HHAT: variants seen among roughly 807,000 people sequenced by gnomAD.
The protein encoded by HHAT is hedgehog acyltransferase.
In HHAT, 47 loss-of-function variants were observed where a neutral mutation model predicts 70.8. The observed-to-expected ratio is 0.66, with a 90% CI of 0.53 to 0.85. The LOEUF (loss-of-function observed/expected upper bound fraction) is 0.85, where lower values mean the gene tolerates loss of function less well. Among genes scored for constraint, HHAT ranks in the 40% least tolerant of loss-of-function variants. The pLI is 0.00. For missense variants in HHAT, 609 were observed against 604.8 expected (o/e 1.01, Z -0.07); for synonymous variants, 228 against 247.6 (o/e 0.92, Z 0.74).
chr1:210,569,982 A>C (rs2148731687), intron 9 of HHAT, among the ~76,000 whole-genome samples: 1 of 152,304 alleles, frequency 6.6e-6, no homozygotes, highest in Non-Finnish European at 1.5e-5. Context: ...TTATAGGCAC[A>C]TTCCTTTCAC....
chr1:210,632,139 G>T (rs1021114504), intron 11 of HHAT, among the ~76,000 whole-genome samples: 8 of 152,208 alleles, frequency 5.3e-5, no homozygotes, highest in African/African-American at 1.9e-4. Context: ...TACTGAAAGG[G>T]CAAAGCATGG....
intron 10 of HHAT, among the ~76,000 whole-genome samples, chr1:210,602,682 G>A (rs1664547340): frequency 6.6e-6 from 1 of 151,988 alleles, no homozygotes; most frequent in Non-Finnish European, 1.5e-5. Flanking sequence ...CATCAAATTA[G>A]CCTGTTGTGC....
intron 7 of HHAT, among the ~76,000 whole-genome samples, chr1:210,432,615 A>G (rs2093277425): frequency 6.6e-6 from 1 of 151,920 alleles, no homozygotes; most frequent in Admixed American, 6.5e-5. Flanking sequence ...CTTAACTGCC[A>G]CGTAGTCTTA....
rs112558518 is a variant in HHAT at position 210,633,808 on chromosome 1, C to G, written c.1390+10138C>G. On this transcript the variant is annotated intron_variant, in intron 11 of 11. Transcript: ENST00000261458. ...GCATCCCACCAACCCAGGGCCGAAG[C>G]CTTTGTCCCCTGGGCGCTTGCTGGC... Among the ~76,000 whole-genome samples, 754 of 152,282 alleles carry G rather than the reference C, an allele frequency of 5.0e-3. 11 individuals are homozygous for G. Among genetic ancestry groups the G allele is most frequent in the African/African-American group, 0.015 (626 of 41,554 alleles).
chr1:210,448,021 A>C (rs557744089), intron 7 of HHAT, among the ~76,000 whole-genome samples: 1 of 151,770 alleles, frequency 6.6e-6, no homozygotes, highest in Non-Finnish European at 1.5e-5. Context: ...ACTCGGTAGC[A>C]TAACTTTCCA....
At chr1:210,363,900 A>G (rs1159500616) in intron 3 of HHAT, among the ~76,000 whole-genome samples, 2 of 152,156 alleles carry the variant, frequency 1.3e-5, no homozygotes, top group East Asian at 3.8e-4. Flanking sequence ...TTGCAAATGA[A>G]CTTTTGCAAG....
intron 10 of HHAT, among the ~76,000 whole-genome samples, chr1:210,612,628 C>T (rs10779541): frequency 0.69 from 104,459 of 152,060 alleles, 38,770 homozygotes; most frequent in East Asian, 0.94. Flanking sequence ...AAATATATGT[C>T]TGAGTCCCTT....
At chr1:210,540,053 C>T (rs765526044) in intron 9 of HHAT, among the ~76,000 whole-genome samples, 2 of 152,172 alleles carry the variant, frequency 1.3e-5, no homozygotes, top group African/African-American at 4.8e-5. Flanking sequence ...AGGCTTAATA[C>T]CTAATTTCTG....
intron 1 of HHAT, among the ~76,000 whole-genome samples, chr1:210,331,556 A>G (rs533856202): frequency 1.3e-5 from 2 of 152,150 alleles, no homozygotes; most frequent in African/African-American, 4.8e-5. Context: ...TTATTCACAA[A>G]TGGATCTAGG....
intron 3 of HHAT, among the ~76,000 whole-genome samples, chr1:210,364,942 T>G (rs1220878298): frequency 6.6e-6 from 1 of 152,228 alleles, no homozygotes; most frequent in Non-Finnish European, 1.5e-5. Flanking sequence ...TGTCTGACTA[T>G]CCATTCATCT....
At chr1:210,476,039 A>G (rs1179742720) in intron 8 of HHAT, among the ~76,000 whole-genome samples, 2 of 152,256 alleles carry the variant, frequency 1.3e-5, no homozygotes, top group East Asian at 3.8e-4. Flanking sequence ...GTTTTGAACC[A>G]TAAGTGTGTT....
At chr1:210,655,663 A>G (rs1676234296) in intron 11 of HHAT, among the ~76,000 whole-genome samples, 3 of 152,182 alleles carry the variant, frequency 2.0e-5, no homozygotes, top group Admixed American at 2.0e-4. Context: ...CTTTCTCTGT[A>G]ACCGAAGTGG....
intron 8 of HHAT, among the ~76,000 whole-genome samples, chr1:210,470,066 A>T (rs1347310898): frequency 6.6e-6 from 1 of 152,108 alleles, no homozygotes; most frequent in Non-Finnish European, 1.5e-5. Context: ...ACTGGTCTTG[A>T]ACTCCTGGCC....
At chr1:210,648,678 G>A (rs11119558) in intron 11 of HHAT, among the ~76,000 whole-genome samples, 44,897 of 151,910 alleles carry the variant, frequency 0.3, 7,222 homozygotes, top group East Asian at 0.39. Context: ...TGCACAACAC[G>A]CATTCTCCAG....
At chr1:210,604,008 C>T (rs921913059) in intron 10 of HHAT, among the ~76,000 whole-genome samples, 3 of 152,150 alleles carry the variant, frequency 2.0e-5, no homozygotes, top group African/African-American at 7.2e-5. Context: ...GGGTGGGAAG[C>T]AAGGGTATAA....
At chr1:210,530,684 C>T (rs1215997691) in intron 9 of HHAT, among the ~76,000 whole-genome samples, 2 of 152,102 alleles carry the variant, frequency 1.3e-5, no homozygotes, top group African/African-American at 4.8e-5. Context: ...GGCTCTGGAT[C>T]CTTGTTCTGG....
intron 9 of HHAT, among the ~76,000 whole-genome samples, chr1:210,579,187 A>T (rs1658615621): frequency 6.6e-6 from 1 of 152,152 alleles, no homozygotes; most frequent in Non-Finnish European, 1.5e-5. Context: ...ACTAATGGAT[A>T]CTAGGCTTAA....
chr1:210,556,638 G>A (rs189956155), intron 9 of HHAT, among the ~76,000 whole-genome samples: 63 of 152,260 alleles, frequency 4.1e-4, no homozygotes, highest in African/African-American at 1.5e-3. Context: ...TGATATGACA[G>A]CTTCACTCTC....
chr1:210,603,051 C>A (rs565250417), intron 10 of HHAT, among the ~76,000 whole-genome samples: 2 of 152,294 alleles, frequency 1.3e-5, no homozygotes, highest in South Asian at 4.1e-4. Flanking sequence ...AAATAGAACC[C>A]ATTTTCAGTT....
Sources: gnomAD v4.1 joint callset for allele counts (sites outside exome capture counted in the v4.1 genomes callset) on GRCh38, gnomAD v4.1.1 for gene constraint, MANE v1.5 for transcripts, NCBI Gene and HGNC (gene_info 2026-07-23, HGNC 2026-07-21) for gene names.